SCHIP1: variants seen among roughly 807,000 people sequenced by gnomAD.
SCHIP1 encodes schwannomin-interacting protein 1.
A neutral mutation model predicts 29.7 loss-of-function variants in SCHIP1; 8 were observed. The ratio of observed to expected loss-of-function variants is 0.27; its 90% CI spans 0.16 to 0.49. SCHIP1 has a LOEUF of 0.49. SCHIP1 is among the 20% of genes least tolerant of loss of function. SCHIP1 has a pLI of 0.99. For missense variants in SCHIP1, 193 were observed against 294.6 expected (o/e 0.66, Z 2.52); for synonymous variants, 76 against 94.9 (o/e 0.80, Z 1.16).
the SCHIP1 span, among the ~76,000 whole-genome samples, chr3:159,652,772 G>A: frequency 1.3e-5 from 2 of 152,226 alleles, no homozygotes; most frequent in East Asian, 1.9e-4. Flanking sequence ...AGAAAAACAA[G>A]GATGAGGTGA....
At chr3:159,320,532 A>G in the SCHIP1 span, among the ~76,000 whole-genome samples, 110 of 152,280 alleles carry the variant, frequency 7.2e-4, 2 homozygotes, top group Non-Finnish European at 1.6e-3. Flanking sequence ...CTGACCATCA[A>G]TCAAATTCAG....
chr3:159,294,855 A>G, the SCHIP1 span, among the ~76,000 whole-genome samples: 1 of 152,160 alleles, frequency 6.6e-6, no homozygotes, highest in Admixed American at 6.5e-5. Context: ...CTGAGTCTCC[A>G]TAGATGTTTC....
the SCHIP1 span, among the ~76,000 whole-genome samples, chr3:159,665,477 C>G: frequency 6.6e-6 from 1 of 152,134 alleles, no homozygotes; most frequent in African/African-American, 2.4e-5. Flanking sequence ...CCCCTGTTCC[C>G]ATTTCACACG....
chr3:159,730,344 G>A, the SCHIP1 span, among the ~76,000 whole-genome samples: 7 of 152,126 alleles, frequency 4.6e-5, no homozygotes, highest in African/African-American at 1.7e-4. Context: ...TACCTCATAG[G>A]TTTGACATGA....
chr3:159,747,822 C>T, the SCHIP1 span, among the ~76,000 whole-genome samples: 1 of 152,178 alleles, frequency 6.6e-6, no homozygotes, highest in Non-Finnish European at 1.5e-5. Context: ...TAAATTATAA[C>T]ACATAAAATA....
At chr3:159,447,179 C>T in the SCHIP1 span, among the ~76,000 whole-genome samples, 5 of 152,150 alleles carry the variant, frequency 3.3e-5, no homozygotes, top group Non-Finnish European at 7.3e-5. Flanking sequence ...GTTACTCATC[C>T]TAGTGTCAGT....
the SCHIP1 span, among the ~76,000 whole-genome samples, chr3:159,555,706 A>G: frequency 2.0e-3 from 304 of 152,332 alleles, 2 homozygotes; most frequent in Non-Finnish European, 3.4e-3. Flanking sequence ...CATCTTTATA[A>G]TAAGAAATAA....
the SCHIP1 span, among the ~76,000 whole-genome samples, chr3:159,769,647 G>A: frequency 1.3e-5 from 2 of 152,206 alleles, no homozygotes; most frequent in African/African-American, 4.8e-5. Flanking sequence ...CTACTCGGGA[G>A]GCTGAGGCAG....
chr3:159,336,893 G>A, the SCHIP1 span, among the ~76,000 whole-genome samples: 1 of 152,100 alleles, frequency 6.6e-6, no homozygotes, highest in African/African-American at 2.4e-5. Context: ...GTCATTGGTA[G>A]CTTGATGGGG....
chr3:159,395,625 T>G, the SCHIP1 span, among the ~76,000 whole-genome samples: 1 of 152,204 alleles, frequency 6.6e-6, no homozygotes, highest in East Asian at 1.9e-4. Context: ...TGTAGTTGAG[T>G]GGTTTTGAGT....
chr3:159,534,313 T>C, the SCHIP1 span, among the ~76,000 whole-genome samples: 2 of 152,128 alleles, frequency 1.3e-5, no homozygotes, highest in South Asian at 4.1e-4. Context: ...GGTGTTGATA[T>C]TGAAGTAGAC....
At chr3:159,346,157 C>T in the SCHIP1 span, among the ~76,000 whole-genome samples, 1 of 148,590 alleles carries the variant, frequency 6.7e-6, no homozygotes. Context: ...CACTGCACTC[C>T]AGCCTGGGCA....
chr3:159,374,247 A>G, the SCHIP1 span, among the ~76,000 whole-genome samples: 1 of 152,116 alleles, frequency 6.6e-6, no homozygotes, highest in African/African-American at 2.4e-5. Flanking sequence ...ATGGGGCTCT[A>G]TTTGTACTTT....
the SCHIP1 span, chr3:159,765,007 G>A: frequency 2.0e-6 from 3 of 1,533,270 alleles, no homozygotes; most frequent in Non-Finnish European, 8.8e-7. Flanking sequence ...CCCAGACGGC[G>A]GGACGTGCGT....
the SCHIP1 span, among the ~76,000 whole-genome samples, chr3:159,815,661 C>T: frequency 6.6e-6 from 1 of 152,064 alleles, no homozygotes; most frequent in African/African-American, 2.4e-5. Flanking sequence ...TTATTTAAAC[C>T]CTCTCAAGTG....
chr3:159,513,887 G>A, the SCHIP1 span, among the ~76,000 whole-genome samples: 1 of 152,146 alleles, frequency 6.6e-6, no homozygotes, highest in Non-Finnish European at 1.5e-5. Flanking sequence ...TGCCACTAGT[G>A]CAATGTTCCA....
chr3:159,572,254 A>C, the SCHIP1 span, among the ~76,000 whole-genome samples: 2 of 152,090 alleles, frequency 1.3e-5, no homozygotes, highest in African/African-American at 4.8e-5. Context: ...TCTTGTGGGC[A>C]TTTAGTGCTA....
chr3:159,327,703 A>T, the SCHIP1 span, among the ~76,000 whole-genome samples: 1 of 152,182 alleles, frequency 6.6e-6, no homozygotes, highest in Non-Finnish European at 1.5e-5. Context: ...AGGCCCTAAT[A>T]ACTCTGCTTC....
chr3:159,502,797 C>T, the SCHIP1 span, among the ~76,000 whole-genome samples: 9 of 152,270 alleles, frequency 5.9e-5, no homozygotes, highest in African/African-American at 2.2e-4. Context: ...GCCTTTCTAA[C>T]GTCTACCTCT....
Sources: gnomAD v4.1 joint callset for allele counts (sites outside exome capture counted in the v4.1 genomes callset) on GRCh38, gnomAD v4.1.1 for gene constraint, MANE v1.5 for transcripts, NCBI Gene and HGNC (gene_info 2026-07-23, HGNC 2026-07-21) for gene names.